KAZN: variants seen among roughly 807,000 people sequenced by gnomAD.
KAZN encodes the protein kazrin, periplakin interacting protein.
KAZN carries 40 observed loss-of-function variants against 87.4 expected under a neutral mutation model. That is an observed-to-expected ratio of 0.46 (90% CI 0.36 to 0.60). The LOEUF is 0.60. Ranked by LOEUF, KAZN falls within the 20% of genes least tolerant of loss-of-function variation. The probability of loss-of-function intolerance (pLI) is 0.00; values close to 1 mark genes in which losing one functional copy is unlikely to be tolerated. For synonymous variants in KAZN, 466 were observed against 458.3 expected, an observed-to-expected ratio of 1.02 and a Z score of -0.22; for missense variants, 898 against 1,073.9, an observed-to-expected ratio of 0.84 and a Z score of 2.29.
rs61772263 is a variant in KAZN, at chr1:14,744,079, T to G, written c.226+144856T>G. ...ACTCCAATGACAGAACATTGCTTGT[T>G]GAGGGGAGACGGTCAAGGCTGGCTT... On this transcript the variant is annotated intron_variant, in intron 1 of 14. Transcript: ENST00000376030. Among the ~76,000 whole-genome samples, 649 of 152,280 alleles carry G rather than the reference T, an allele frequency of 4.3e-3. 3 individuals carry two copies. Among genetic ancestry groups the G allele is most frequent in the Middle Eastern group, 0.01 (3 of 294 alleles).
Position 14,026,095 on chromosome 1 carries a change from A to G in KAZN, c.91+132339A>G, listed in dbSNP as rs914854117. Among the ~76,000 whole-genome samples, 4 of 152,306 alleles carry G rather than the reference A, an allele frequency of 2.6e-5. No individual in the cohort carries two copies. In the East Asian group the frequency reaches 5.8e-4, roughly 22 times the overall value. On this transcript the variant is annotated intron_variant, in intron 1 of 16. Coordinates refer to the KAZN transcript ENST00000636203. Reference sequence around the variant, plus strand: ...AAGCAAAAATGTTTATATGAAGGAAAAGGGCATTTTAAAGAGCTTTAGAGA... The same window carrying G: ...AAGCAAAAATGTTTATATGAAGGAAGAGGGCATTTTAAAGAGCTTTAGAGA...
intron 2 of KAZN, among the ~76,000 whole-genome samples, chr1:14,489,526 G>T (rs1669534845): frequency 6.6e-6 from 1 of 152,008 alleles, no homozygotes; most frequent in Non-Finnish European, 1.5e-5. Context: ...TTGAGGTCAG[G>T]AGTTCAAGAG....
intron 1 of KAZN, among the ~76,000 whole-genome samples, chr1:14,871,264 TC>T (rs1462902951): frequency 6.6e-6 from 1 of 152,102 alleles, no homozygotes; most frequent in Non-Finnish European, 1.5e-5. Context: ...CCCAATCAGC[TC>T]TCTTCTAGAA....
At position 14,599,090 on chromosome 1, in the gene KAZN, G is replaced by A; in HGVS notation, c.93G>A (p.Thr31=). The A allele has an allele frequency of 6.4e-7, 1 of 1,560,134 alleles. No homozygotes were observed. The highest frequency in any genetic ancestry group is 8.6e-7 in the Non-Finnish European group (1 of 1,157,856). The part of the protein sequence containing the change: ...QEVTNLRAEL[T]ATNRRLAELS... ...TGACCAACCTGCGAGCCGAACTCAC[G>A]GCCACCAACCGGAGACTGGCGGAAC... Residue 31 remains threonine, a synonymous_variant, in exon 1 of 15, where the codon ACG becomes ACA. Transcript: ENST00000376030. The surrounding 1 kb of genome is among the most constrained non-coding windows in gnomAD (Gnocchi z 4.4).
At chr1:15,017,073 G>A (rs1266895066) in intron 2 of KAZN, among the ~76,000 whole-genome samples, 4 of 152,118 alleles carry the variant, frequency 2.6e-5, no homozygotes, top group South Asian at 2.1e-4. Flanking sequence ...TGAGGCGGGC[G>A]GATCACCTGA....
intron 1 of KAZN, among the ~76,000 whole-genome samples, chr1:14,907,306 G>A (rs1572793878): frequency 6.6e-6 from 1 of 151,862 alleles, no homozygotes; most frequent in African/African-American, 2.4e-5. Context: ...GGAGGCTGCG[G>A]TGGGAAGATT....
intron 2 of KAZN, among the ~76,000 whole-genome samples, chr1:14,187,514 A>G (rs562690921): frequency 6.6e-6 from 1 of 152,272 alleles, no homozygotes; most frequent in East Asian, 1.9e-4. Flanking sequence ...CTTCCAAAAT[A>G]ATACCCAATC....
intron 2 of KAZN, among the ~76,000 whole-genome samples, chr1:14,375,720 A>C (rs1660853223): frequency 1.3e-5 from 2 of 152,072 alleles, no homozygotes; most frequent in South Asian, 4.1e-4. Context: ...CCCCATCTCT[A>C]CTAAAAAAAT....
At chr1:14,015,244 C>G (rs925501720) in intron 1 of KAZN, among the ~76,000 whole-genome samples, 8 of 151,914 alleles carry the variant, frequency 5.3e-5, no homozygotes, top group Non-Finnish European at 8.8e-5. Flanking sequence ...ACCAGACTTT[C>G]CTCTTCTTTT....
chr1:14,985,237 C>G (rs1158168541), intron 2 of KAZN, among the ~76,000 whole-genome samples: 1 of 116,154 alleles, frequency 8.6e-6, no homozygotes, highest in East Asian at 2.7e-4. Context: ...CCTATAATCC[C>G]AGAACTTTGG....
chr1:14,820,961 G>A lies in KAZN; in HGVS notation c.227-139723G>A, dbSNP rs899741270. On this transcript the variant is annotated intron_variant, in intron 1 of 14. Coordinates refer to ENST00000376030, the MANE Select transcript of KAZN (RefSeq NM_201628.3). The surrounding 1 kb of genome is among the most constrained non-coding windows in gnomAD (Gnocchi z 4.1). The stretch of plus-strand genomic sequence containing the variant: ...CAAGGGCTGGACGCAGCAGGACCGT[G>A]GTCTGTTCTGTGATGGATTGTCGGG... Among the ~76,000 whole-genome samples the A allele has an allele frequency of 2.0e-5, 3 of 152,158 alleles. No individual in the cohort carries two copies. The highest frequency in any genetic ancestry group is 7.2e-5 in the African/African-American group (3 of 41,428).
At chr1:14,672,728 C>A (rs1639985838) in intron 1 of KAZN, among the ~76,000 whole-genome samples, 1 of 152,146 alleles carries the variant, frequency 6.6e-6, no homozygotes, top group Non-Finnish European at 1.5e-5. Context: ...ATGCCCAGAC[C>A]CCATTGCAGG....
chr1:14,359,916 G>A (rs757225452), intron 2 of KAZN, among the ~76,000 whole-genome samples: 9 of 152,098 alleles, frequency 5.9e-5, no homozygotes, highest in Non-Finnish European at 1.2e-4. Context: ...TATATGTCTT[G>A]TGGTTGCTCT....
chr1:14,484,506 T>C (rs1669247344), intron 2 of KAZN, among the ~76,000 whole-genome samples: 1 of 152,248 alleles, frequency 6.6e-6, no homozygotes, highest in Non-Finnish European at 1.5e-5. Context: ...TGCTCATACT[T>C]CTTCCTTGAA....
intron 1 of KAZN, among the ~76,000 whole-genome samples, chr1:14,958,914 TTCGTCTGTTCATTC>T (rs1334856805): frequency 6.6e-6 from 1 of 152,126 alleles, no homozygotes; most frequent in African/African-American, 2.4e-5. Context: ...GTGCGGCGCC[TTCGTCTGTTCATTC>T]TCGAGGGCAG....
At chr1:14,986,220 C>T (rs2101923750) in intron 2 of KAZN, among the ~76,000 whole-genome samples, 1 of 152,142 alleles carries the variant, frequency 6.6e-6, no homozygotes, top group Admixed American at 6.5e-5. Flanking sequence ...ATATTATTAA[C>T]ATCAGTGGGT....
At chr1:14,461,717 G>T (rs1667861441) in intron 2 of KAZN, among the ~76,000 whole-genome samples, 1 of 152,112 alleles carries the variant, frequency 6.6e-6, no homozygotes, top group South Asian at 2.1e-4. Flanking sequence ...AGGTGGTGTG[G>T]TTACACAAAT....
intron 1 of KAZN, among the ~76,000 whole-genome samples, chr1:14,015,792 G>A (rs1378658923): frequency 6.6e-6 from 1 of 151,638 alleles, no homozygotes; most frequent in Non-Finnish European, 1.5e-5. Flanking sequence ...AGGTCAGTGA[G>A]GCTTTTCCCA....
intron 2 of KAZN, among the ~76,000 whole-genome samples, chr1:14,277,981 T>A (rs1487004074): frequency 2.6e-5 from 4 of 151,922 alleles, no homozygotes; most frequent in African/African-American, 9.6e-5. Flanking sequence ...TTATTTACAT[T>A]CTTAGGCAGT....
Sources: allele counts gnomAD v4.1 joint callset (sites outside exome capture counted in the v4.1 genomes callset), GRCh38; gene constraint gnomAD v4.1.1; non-coding constraint Gnocchi (gnomAD v3.1); transcripts MANE v1.5; gene names NCBI Gene and HGNC (gene_info 2026-07-23, HGNC 2026-07-21).